The following ACAD11 variants were observed in gnomAD, a reference collection of about 807,000 sequenced individuals.
ACAD11 encodes acyl-Coenzyme A dehydrogenase family, member 11.
A neutral mutation model predicts 102.2 loss-of-function variants in ACAD11; 83 were observed. That is an observed-to-expected ratio of 0.81 (90% confidence interval 0.68 to 0.97). ACAD11 has a LOEUF of 0.97. ACAD11 is among the 50% of genes least tolerant of loss of function. The pLI is 0.00. For missense variants in ACAD11, 901 were observed against 951.7 expected, an observed-to-expected ratio of 0.95 and a Z score of 0.70; for synonymous variants, 324 against 319.8, an observed-to-expected ratio of 1.01 and a Z score of -0.14.
chr3:132,590,500 G>A (rs1290228378), intron 13 of ACAD11, among the ~76,000 whole-genome samples: 1 of 152,084 alleles, frequency 6.6e-6, no homozygotes, highest in East Asian at 1.9e-4. Context: ...TCCCGCCTTA[G>A]CCCCCCAAAG....
intron 11 of ACAD11, among the ~76,000 whole-genome samples, chr3:132,614,357 A>G (rs148781710): frequency 1.0e-3 from 156 of 152,334 alleles, no homozygotes; most frequent in African/African-American, 3.5e-3. Context: ...AAAAGAGCCC[A>G]TATAGTCAAG....
intron 15 of ACAD11, 40 bp downstream of exon 15, chr3:132,578,756 C>T (rs1406952257): frequency 6.9e-6 from 11 of 1,604,408 alleles, no homozygotes; most frequent in Non-Finnish European, 9.4e-6. Flanking sequence ...TTCTAGCCTT[C>T]CTGCTTGCTA....
chr3:132,651,067 T>C (rs1940916165), intron 1 of ACAD11, among the ~76,000 whole-genome samples: 1 of 152,172 alleles, frequency 6.6e-6, no homozygotes, highest in South Asian at 2.1e-4. Flanking sequence ...TCCATGAGGA[T>C]CCTGTTTCCT....
chr3:132,632,036 C>T (rs62291553), intron 5 of ACAD11, among the ~76,000 whole-genome samples: 14,002 of 151,874 alleles, frequency 0.092, 805 homozygotes, highest in Middle Eastern at 0.14. Context: ...CAGAAAGCTT[C>T]CCTCATTCTA....
At chr3:132,612,965 T>G (rs1195739286) in intron 11 of ACAD11, among the ~76,000 whole-genome samples, 1 of 152,024 alleles carries the variant, frequency 6.6e-6, no homozygotes. Flanking sequence ...AGCAAAGACT[T>G]GGAACCAACC....
chr3:132,567,266 C>A lies in ACAD11; in HGVS notation c.2002-6049G>T, dbSNP rs181817314. Reference sequence around the variant, plus strand: ...AGTGTGGGATTACAGGTGTGAACTACTGCGCCAGGCCCAAGACAATTATAT... The same window carrying A: ...AGTGTGGGATTACAGGTGTGAACTAATGCGCCAGGCCCAAGACAATTATAT... On this transcript the variant is annotated intron_variant, in intron 17 of 19. Transcript: ENST00000264990. 3.9e-4 allele frequency among the ~76,000 whole-genome samples: 60 copies of A among 152,302 alleles called. 1 individual carries two copies. The highest frequency in any genetic ancestry group is 6.9e-4 in the Non-Finnish European group (47 of 68,032).
chr3:132,632,724 T>A (rs971352713), intron 5 of ACAD11, among the ~76,000 whole-genome samples: 3 of 152,210 alleles, frequency 2.0e-5, no homozygotes, highest in Non-Finnish European at 4.4e-5. Context: ...GGAATGTTCT[T>A]CCATTTGTTT....
chr3:132,602,860 T>C (rs1360214643), intron 13 of ACAD11, among the ~76,000 whole-genome samples: 1 of 152,224 alleles, frequency 6.6e-6, no homozygotes, highest in Non-Finnish European at 1.5e-5. Flanking sequence ...TGAAGTACAG[T>C]GGTGCCATCT....
At chr3:132,572,905 T>A (rs557234722) in intron 17 of ACAD11, among the ~76,000 whole-genome samples, 44 of 152,308 alleles carry the variant, frequency 2.9e-4, no homozygotes, top group African/African-American at 1.1e-3. Context: ...ATTGTCCTTT[T>A]ATTTTCCTTT....
intron 17 of ACAD11, among the ~76,000 whole-genome samples, chr3:132,563,795 C>T (rs1195996046): frequency 6.6e-6 from 1 of 152,124 alleles, no homozygotes; most frequent in Non-Finnish European, 1.5e-5. Flanking sequence ...ACTGCACTGC[C>T]TAGGAATTCT....
At chr3:132,577,355 T>C (rs1050912949) in intron 15 of ACAD11, among the ~76,000 whole-genome samples, 2 of 152,226 alleles carry the variant, frequency 1.3e-5, no homozygotes, top group Non-Finnish European at 2.9e-5. Flanking sequence ...ATATTTTACA[T>C]ATGGGGTTCC....
At chr3:132,650,393 C>T (rs1940888231) in intron 1 of ACAD11, 1 of 152,138 alleles carries the variant, frequency 6.6e-6, no homozygotes, top group Non-Finnish European at 1.5e-5. Flanking sequence ...GGAACCATGA[C>T]TACAGAAACA....
At chr3:132,575,495 G>A (rs925649397) in intron 17 of ACAD11, among the ~76,000 whole-genome samples, 4 of 152,124 alleles carry the variant, frequency 2.6e-5, no homozygotes, top group Admixed American at 2.6e-4. Context: ...GAGCTCTAAT[G>A]TTCCAGGTTC....
intron 1 of ACAD11, among the ~76,000 whole-genome samples, chr3:132,648,167 T>C (rs900540126): frequency 1.3e-5 from 2 of 152,150 alleles, no homozygotes; most frequent in African/African-American, 4.8e-5. Context: ...TCCAGGGCCC[T>C]AGCAAAGGAC....
At chr3:132,625,693 T>A (rs962417348) in intron 9 of ACAD11, among the ~76,000 whole-genome samples, 4 of 152,180 alleles carry the variant, frequency 2.6e-5, no homozygotes, top group Non-Finnish European at 5.9e-5. Context: ...TTTATATAAT[T>A]CAAGCAACAG....
chr3:132,642,085 G>A lies in ACAD11; in HGVS notation c.424C>T (p.Arg142Cys), dbSNP rs1449408837. The change falls in exon 4 of 20, where the codon CGT (arginine) becomes TGT (cysteine). Residue 142 changes from arginine to cysteine, a missense_variant. Coordinates refer to ENST00000264990, the MANE Select transcript of ACAD11 (RefSeq NM_032169.5). ...LTIPGLSPAE[R>C]SAIYVATVET... ...ACCGTGGCCACATATATGGCTGAAC[G>A]TTCTGCTGGGCTAAGTCCAGGAATT... 5.0e-6 allele frequency: 8 copies of A among 1,613,976 alleles called. No homozygotes were observed. The highest frequency in any genetic ancestry group is 1.1e-5 in the South Asian group (1 of 91,082).
chr3:132,642,204 A>G (rs948794377), intron 3 of ACAD11, 71 bp from the exon 4 acceptor site: 3 of 1,374,254 alleles, frequency 2.2e-6, no homozygotes, highest in South Asian at 1.6e-5. Context: ...CTAGAAAAAC[A>G]TTCATTTGTG....
At chr3:132,594,188 C>G (rs966603838) in intron 13 of ACAD11, among the ~76,000 whole-genome samples, 1 of 151,896 alleles carries the variant, frequency 6.6e-6, no homozygotes, top group Non-Finnish European at 1.5e-5. Context: ...TCTGAATTAG[C>G]AAAAACAATG....
At position 132,567,604 on chromosome 3, in the gene ACAD11, G is replaced by A. The variant is rs567147417; in HGVS notation, c.2002-6387C>T. ...AACAGAAAACAAAAATAAAATATCC[G>A]ATTTAAGCCCTAACATATCAGTTAT... On this transcript the variant is annotated intron_variant, in intron 17 of 19. Coordinates refer to ENST00000264990, the MANE Select transcript of ACAD11 (RefSeq NM_032169.5). Among the ~76,000 whole-genome samples the A allele has an allele frequency of 1.6e-4, 24 of 152,202 alleles. No homozygotes were observed. In the South Asian group the frequency reaches 3.9e-3, roughly 25 times the overall value.
Sources: allele counts gnomAD v4.1 joint callset (sites outside exome capture counted in the v4.1 genomes callset), GRCh38; gene constraint gnomAD v4.1.1; transcripts MANE v1.5; gene names NCBI Gene and HGNC (gene_info 2026-07-23, HGNC 2026-07-21).